The following PDE1C variants were observed in gnomAD, a reference collection of about 807,000 sequenced individuals.
PDE1C encodes the protein phosphodiesterase 1C.
PDE1C carries 62 observed loss-of-function variants against 93.1 expected under a neutral mutation model. That is an observed-to-expected ratio of 0.67 (90% CI 0.54 to 0.82). The LOEUF (loss-of-function observed/expected upper bound fraction) is 0.82. Among genes scored for constraint, PDE1C ranks in the 40% least tolerant of loss-of-function variants. The pLI is 0.00. For synonymous variants in PDE1C, 325 were observed against 310.1 expected (o/e 1.05, Z -0.50); for missense variants, 742 against 884.6 (o/e 0.84, Z 2.04).
At chr7:32,104,668 G>C (rs1373559986) in intron 3 of PDE1C, among the ~76,000 whole-genome samples, 1 of 152,160 alleles carries the variant, frequency 6.6e-6, no homozygotes, top group Non-Finnish European at 1.5e-5. Flanking sequence ...AAATGGGACT[G>C]GTGGTCTAAG....
chr7:32,364,416 C>T (rs994657887), intron 1 of PDE1C, among the ~76,000 whole-genome samples: 3 of 152,112 alleles, frequency 2.0e-5, no homozygotes, highest in East Asian at 1.9e-4. Flanking sequence ...AGGAGGGCAG[C>T]GTGGAAGCAC....
intron 2 of PDE1C, among the ~76,000 whole-genome samples, chr7:31,939,837 G>T (rs1670616099): frequency 6.6e-6 from 1 of 152,158 alleles, no homozygotes; most frequent in Admixed American, 6.5e-5. Flanking sequence ...GAAAGATAAA[G>T]AATATTGGCA....
chr7:32,028,688 AT>A (rs753649855), intron 2 of PDE1C, among the ~76,000 whole-genome samples: 5 of 152,000 alleles, frequency 3.3e-5, no homozygotes, highest in East Asian at 1.9e-4. Context: ...TAAATACTTA[AT>A]TTTTTTTGTG....
intron 1 of PDE1C, among the ~76,000 whole-genome samples, chr7:32,310,930 CA>C (rs1240305043): frequency 6.6e-6 from 1 of 152,004 alleles, no homozygotes; most frequent in East Asian, 1.9e-4. Flanking sequence ...AATAGAGACA[CA>C]AAAAACCCTT....
chr7:32,422,235 G>T (rs140068574), intron 1 of PDE1C, among the ~76,000 whole-genome samples: 1 of 152,290 alleles, frequency 6.6e-6, no homozygotes, highest in African/African-American at 2.4e-5. Context: ...TGCTACAAAT[G>T]TTGAAGGTTA....
intron 16 of PDE1C, among the ~76,000 whole-genome samples, chr7:31,802,917 T>C (rs981671385): frequency 1.3e-5 from 2 of 151,734 alleles, no homozygotes; most frequent in Non-Finnish European, 2.9e-5. Flanking sequence ...GTGCTTGAGA[T>C]GTATTGAGCT....
chr7:32,268,304 T>C (rs540057715), intron 1 of PDE1C, among the ~76,000 whole-genome samples: 7 of 152,322 alleles, frequency 4.6e-5, no homozygotes, highest in Non-Finnish European at 8.8e-5. Context: ...GTTTAACTGC[T>C]GTGTTGGCCC....
Position 32,295,881 on chromosome 7 carries a change from G to A in PDE1C, c.85+2770C>T, listed in dbSNP as rs138813558. ...TGCACTCCAGCCCGGGTGAGAGAGC[G>A]AGACTCTGTCTCAAAAAAAAAAAAA... On this transcript the variant is annotated intron_variant, in intron 1 of 18. Transcript: ENST00000396193. Among the ~76,000 whole-genome samples the A allele has an allele frequency of 3.0e-3, 372 of 122,016 alleles. 13 individuals carry two copies. In the East Asian group the frequency reaches 0.074, roughly 24 times the overall value. 80.0% of individuals were successfully genotyped at this position (122,016 alleles called of 152,430 possible).
chr7:31,885,835 G>A (rs998045024), intron 2 of PDE1C, among the ~76,000 whole-genome samples: 3 of 152,202 alleles, frequency 2.0e-5, no homozygotes, highest in Admixed American at 6.5e-5. Flanking sequence ...CAGTGAGGTC[G>A]CAGAAAGCCC....
At chr7:31,650,686 C>A in the PDE1C span, among the ~76,000 whole-genome samples, 4 of 152,120 alleles carry the variant, frequency 2.6e-5, no homozygotes, top group Non-Finnish European at 4.4e-5. Context: ...TTATTCTAAG[C>A]AGATTTTCTT....
chr7:31,993,057 A>G (rs1191255213), intron 2 of PDE1C, among the ~76,000 whole-genome samples: 3 of 152,176 alleles, frequency 2.0e-5, no homozygotes, highest in Non-Finnish European at 4.4e-5. Context: ...TTTCTTATGG[A>G]TGCTTTTCAT....
chr7:31,768,308 T>C (rs1344749060), intron 17 of PDE1C, among the ~76,000 whole-genome samples: 1 of 152,170 alleles, frequency 6.6e-6, no homozygotes, highest in African/African-American at 2.4e-5. Context: ...CGGTTGCCAC[T>C]GTTTACAGCA....
Position 31,841,606 on chromosome 7 carries a change from ATATC to A in PDE1C, c.981-3639_981-3636del, listed in dbSNP as rs1325647694. On this transcript the variant is annotated intron_variant, in intron 9 of 17. Coordinates refer to ENST00000396191, the MANE Select transcript of PDE1C (RefSeq NM_001191057.4). The stretch of plus-strand genomic sequence containing the variant: ...TTGAATTTTGTCAAATGCTTGTTAT[ATATC>A]TATTAAGATGACTGTATGATTTTCT... Among the ~76,000 whole-genome samples, 6 of 152,294 alleles carry A rather than the reference ATATC, an allele frequency of 3.9e-5. No individual in the cohort carries two copies. In the East Asian group the frequency reaches 9.6e-4, roughly 24 times the overall value.
intron 1 of PDE1C, among the ~76,000 whole-genome samples, chr7:32,374,284 A>G (rs865879370): frequency 2.0e-5 from 3 of 149,584 alleles, no homozygotes; most frequent in East Asian, 1.9e-4. Flanking sequence ...AGAAAGAAAG[A>G]AAGAAAGAAA....
chr7:31,974,660 C>T (rs969632392), intron 2 of PDE1C, among the ~76,000 whole-genome samples: 7 of 152,256 alleles, frequency 4.6e-5, no homozygotes, highest in African/African-American at 1.7e-4. Context: ...AGCCAAGCCT[C>T]TGGCCTATGT....
rs186698888 is a variant in PDE1C at position 31,773,739 on chromosome 7, G to T, written c.1960+1925C>A. Among the ~76,000 whole-genome samples, 5 of 152,178 alleles carry T rather than the reference G, an allele frequency of 3.3e-5. No individual in the cohort carries two copies. In the East Asian group the frequency reaches 9.7e-4, roughly 30 times the overall value. On this transcript the variant is annotated intron_variant, in intron 17 of 17. Coordinates refer to ENST00000396191, the MANE Select transcript of PDE1C (RefSeq NM_001191057.4). ...GGGAGGCTGCTCACTCACGCACCAC[G>T]TACCCAGCTTAGAAACATTAATGCA...
At chr7:31,684,945 C>T in the PDE1C span, among the ~76,000 whole-genome samples, 1 of 152,332 alleles carries the variant, frequency 6.6e-6, no homozygotes, top group African/African-American at 2.4e-5. Context: ...AGCCTCTCTA[C>T]ATGAATGTTC....
At chr7:32,112,304 CTCT>C (rs887208440) in intron 3 of PDE1C, among the ~76,000 whole-genome samples, 11 of 151,926 alleles carry the variant, frequency 7.2e-5, no homozygotes, top group African/African-American at 1.2e-4. Context: ...CCTCCTTCTC[CTCT>C]TCTTCTTTTT....
intron 2 of PDE1C, among the ~76,000 whole-genome samples, chr7:32,012,916 C>T (rs573651028): frequency 5.3e-5 from 8 of 152,264 alleles, no homozygotes; most frequent in African/African-American, 1.9e-4. Context: ...ATACATTTCA[C>T]AGGATTATTG....
Sources: allele counts gnomAD v4.1 joint callset (sites outside exome capture counted in the v4.1 genomes callset), GRCh38; gene constraint gnomAD v4.1.1; transcripts MANE v1.5; gene names NCBI Gene and HGNC (gene_info 2026-07-23, HGNC 2026-07-21).